The following MRC1 variants were observed in gnomAD, a reference collection of about 807,000 sequenced individuals.
MRC1 encodes the protein mannose receptor C-type 1.
Under a neutral mutation model 102.9 loss-of-function variants are expected in MRC1, and 62 were observed. The observed-to-expected ratio is 0.60, with a 90% CI of 0.49 to 0.74. The LOEUF (loss-of-function observed/expected upper bound fraction) is 0.74. MRC1 is among the 30% of genes least tolerant of loss of function. The probability of loss-of-function intolerance (pLI) is 0.00; values close to 1 mark genes in which losing one functional copy is unlikely to be tolerated. For synonymous variants in MRC1, 457 were observed against 298.4 expected, an observed-to-expected ratio of 1.53 and a Z score of -5.48; for missense variants, 1,237 against 862.8, an observed-to-expected ratio of 1.43 and a Z score of -5.43.
intron 26 of MRC1, among the ~76,000 whole-genome samples, chr10:17,904,447 C>T (rs1833870433): frequency 1.3e-5 from 2 of 152,168 alleles, no homozygotes; most frequent in Non-Finnish European, 2.9e-5. Flanking sequence ...CAGCTCATCG[C>T]TTGCTGGACG....
rs900730476 is a variant in MRC1, at chr10:17,910,724, G to A, written c.*259G>A. The A allele has an allele frequency of 2.0e-5, 10 of 498,504 alleles. No individual in the cohort carries two copies. The highest frequency in any genetic ancestry group is 3.6e-5 in the Non-Finnish European group (10 of 277,338). 30.9% of individuals were successfully genotyped at this position (498,504 alleles called of 1,614,324 possible). On this transcript the variant is annotated 3_prime_UTR_variant, in exon 30 of 30. Coordinates refer to ENST00000569591, the MANE Select transcript of MRC1 (RefSeq NM_002438.4). ...CACAGCACCACAGCACCACATCTAAGCATTAGTGATGGGTAGCTGATGTCA... is the reference window on the plus strand; with the variant it reads ...CACAGCACCACAGCACCACATCTAAACATTAGTGATGGGTAGCTGATGTCA...
At chr10:17,900,339 C>A (rs1341722512) in intron 24 of MRC1, among the ~76,000 whole-genome samples, 1 of 151,950 alleles carries the variant, frequency 6.6e-6, no homozygotes. Flanking sequence ...GTTTCAACAA[C>A]AGAATAATGA....
At chr10:17,832,964 G>C (rs1003434068) in intron 3 of MRC1, among the ~76,000 whole-genome samples, 2 of 152,052 alleles carry the variant, frequency 1.3e-5, no homozygotes, top group Non-Finnish European at 2.9e-5. Flanking sequence ...GCAAAGTCTG[G>C]GTACCCGAAC....
intron 5 of MRC1, among the ~76,000 whole-genome samples, chr10:17,842,809 G>T (rs1246573755): frequency 1.3e-5 from 2 of 152,182 alleles, no homozygotes; most frequent in Admixed American, 1.3e-4. Context: ...TTAACTTTGG[G>T]TGGAGTAAAG....
At chr10:17,909,245 T>A in intron 28 of MRC1, 61 bp from the exon 29 acceptor site, 2 of 788,992 alleles carry the variant, frequency 2.5e-6, no homozygotes, top group South Asian at 2.7e-5. Context: ...AGCCAAATAA[T>A]ATTTGCTATC....
At chr10:17,829,867 C>G (rs939669607) in intron 3 of MRC1, among the ~76,000 whole-genome samples, 10 of 151,410 alleles carry the variant, frequency 6.6e-5, no homozygotes, top group Non-Finnish European at 1.5e-4. Context: ...CTTGGAAATC[C>G]TTGGATGTGT....
At chr10:17,824,300 G>T (rs1554838528) in intron 2 of MRC1, among the ~76,000 whole-genome samples, 2 of 152,182 alleles carry the variant, frequency 1.3e-5, no homozygotes, top group East Asian at 3.8e-4. Flanking sequence ...CACATTTTAG[G>T]TTTGGATACT....
chr10:17,884,576 T>G (rs1181538864), intron 21 of MRC1, among the ~76,000 whole-genome samples: 1 of 152,182 alleles, frequency 6.6e-6, no homozygotes, highest in African/African-American at 2.4e-5. Flanking sequence ...AAACATGTCC[T>G]TCTTCACATG....
In MRC1 at chr10:17,811,752, A is replaced by AT. The variant is rs1165452229; in HGVS notation, c.61+2235dup. ...GCCAGGCTAATTTTTAATTTTTTTT[A>AT]TTTTTTTTTATTTTTGTAGAGATGG... On this transcript the variant is annotated intron_variant, in intron 1 of 29. Transcript: ENST00000569591. Among the ~76,000 whole-genome samples the AT allele has an allele frequency of 1.3e-4, 20 of 150,502 alleles. 2 individuals are homozygous for AT. Among genetic ancestry groups the AT allele is most frequent in the East Asian group, 3.9e-4 (2 of 5,112 alleles).
At chr10:17,842,682 CTT>C (rs1838769559) in intron 5 of MRC1, among the ~76,000 whole-genome samples, 1 of 152,096 alleles carries the variant, frequency 6.6e-6, no homozygotes, top group African/African-American at 2.4e-5. Context: ...AGAATTTATT[CTT>C]CTTTGTGTTG....
At chr10:17,835,592 G>T (rs1838650580) in intron 4 of MRC1, among the ~76,000 whole-genome samples, 3 of 152,316 alleles carry the variant, frequency 2.0e-5, no homozygotes, top group Admixed American at 6.5e-5. Flanking sequence ...GAATATTTAT[G>T]ACCCCTCTTC....
intron 1 of MRC1, among the ~76,000 whole-genome samples, chr10:17,814,893 G>C (rs1319002902): frequency 4.0e-5 from 6 of 151,664 alleles, no homozygotes; most frequent in Non-Finnish European, 8.8e-5. Flanking sequence ...TCGAACTCCT[G>C]ACCTCAGGTG....
chr10:17,833,077 C>G (rs987012702), intron 3 of MRC1, among the ~76,000 whole-genome samples: 24 of 148,306 alleles, frequency 1.6e-4, no homozygotes, highest in African/African-American at 2.5e-4. Context: ...GTCTCACTTC[C>G]CAACTCAATT....
chr10:17,841,181 A>G (rs1045526177), intron 5 of MRC1, among the ~76,000 whole-genome samples: 14 of 152,372 alleles, frequency 9.2e-5, no homozygotes, highest in African/African-American at 3.1e-4. Flanking sequence ...TTGCTGTTGC[A>G]TTGACTTTGT....
At chr10:17,858,416 A>G (rs1467797484) in intron 9 of MRC1, among the ~76,000 whole-genome samples, 2 of 152,210 alleles carry the variant, frequency 1.3e-5, no homozygotes, top group African/African-American at 4.8e-5. Context: ...TACCTAGTGG[A>G]ATGCTGCAGT....
intron 1 of MRC1, among the ~76,000 whole-genome samples, chr10:17,818,378 A>G (rs1302071346): frequency 3.3e-5 from 5 of 152,264 alleles, no homozygotes; most frequent in Non-Finnish European, 7.3e-5. Context: ...ACCTCGTCTC[A>G]TGAAATTTAC....
chr10:17,816,825 G>A (rs1174717611), intron 1 of MRC1, among the ~76,000 whole-genome samples: 1 of 152,160 alleles, frequency 6.6e-6, no homozygotes, highest in African/African-American at 2.4e-5. Context: ...ATCTAAAAAT[G>A]TATAAGAAAA....
At chr10:17,870,759 G>C (rs1402435580) in intron 13 of MRC1, 89 bp from the exon 14 acceptor site, 3 of 816,600 alleles carry the variant, frequency 3.7e-6, no homozygotes, top group Non-Finnish European at 6.7e-6. Flanking sequence ...ACGTTTTGGA[G>C]GTAACTTTCA....
chr10:17,830,945 G>C lies in MRC1; in HGVS notation c.638-2730G>C, dbSNP rs1196053375. On this transcript the variant is annotated intron_variant, in intron 3 of 29. Coordinates refer to ENST00000569591, the MANE Select transcript of MRC1 (RefSeq NM_002438.4). ...GCTCTGTCACTGAGGCTGGAGTGCAGTGGCATGATCTCGGCTCACTGCAAC... is the reference window on the plus strand; with the variant it reads ...GCTCTGTCACTGAGGCTGGAGTGCACTGGCATGATCTCGGCTCACTGCAAC... Among the ~76,000 whole-genome samples, 4 of 150,982 alleles carry C rather than the reference G, an allele frequency of 2.6e-5. No individual in the cohort carries two copies. In the East Asian group the frequency reaches 7.7e-4, roughly 29 times the overall value.
Sources: gnomAD v4.1 joint callset for allele counts (sites outside exome capture counted in the v4.1 genomes callset) on GRCh38, gnomAD v4.1.1 for gene constraint, MANE v1.5 for transcripts, NCBI Gene and HGNC (gene_info 2026-07-23, HGNC 2026-07-21) for gene names.